HIVEP3: variants seen among roughly 807,000 people sequenced by gnomAD.
HIVEP3 encodes the protein transcription factor HIVEP3.
A neutral mutation model predicts 152.8 loss-of-function variants in HIVEP3; 49 were observed. That is an observed-to-expected ratio of 0.32 (90% CI 0.26 to 0.41). The LOEUF (loss-of-function observed/expected upper bound fraction) is 0.41. Ranked by LOEUF, HIVEP3 falls within the 10% of genes least tolerant of loss-of-function variation. The pLI, the probability that HIVEP3 is intolerant of heterozygous loss-of-function variation, is 1.00. For synonymous variants in HIVEP3, 1,269 were observed against 1,289.0 expected, an observed-to-expected ratio of 0.98 and a Z score of 0.33; for missense variants, 2,790 against 3,103.3, an observed-to-expected ratio of 0.90 and a Z score of 2.40.
intron 5 of HIVEP3, among the ~76,000 whole-genome samples, chr1:41,565,635 G>A (rs1293554025): frequency 1.3e-5 from 2 of 152,088 alleles, no homozygotes; most frequent in African/African-American, 4.8e-5. Context: ...GAGACAGAGA[G>A]AAGCCAGCTT....
At chr1:41,939,541 C>T (rs1645035709) in intron 1 of HIVEP3, among the ~76,000 whole-genome samples, 1 of 152,186 alleles carries the variant, frequency 6.6e-6, no homozygotes, top group African/African-American at 2.4e-5. Flanking sequence ...AGAATTACTA[C>T]ACCTCTTCTC....
intron 1 of HIVEP3, among the ~76,000 whole-genome samples, chr1:41,753,670 A>AAAAT (rs3064234): frequency 0.38 from 53,503 of 140,750 alleles, 10,236 homozygotes; most frequent in East Asian, 0.45. Context: ...CGCCGTCTCA[A>AAAAT]AAATAAATAA....
At chr1:41,638,123 G>C (rs1050318589) in intron 2 of HIVEP3, among the ~76,000 whole-genome samples, 2 of 151,982 alleles carry the variant, frequency 1.3e-5, no homozygotes, top group Non-Finnish European at 2.9e-5. Flanking sequence ...TTTGGGTGAC[G>C]GTTGTACTAA....
intron 5 of HIVEP3, among the ~76,000 whole-genome samples, chr1:41,552,251 T>A (rs975108272): frequency 6.6e-6 from 1 of 152,016 alleles, no homozygotes; most frequent in African/African-American, 2.4e-5. Flanking sequence ...AGTTTTAGGG[T>A]ACATGTGCAC....
chr1:41,798,964 C>G (rs945801174), intron 1 of HIVEP3, among the ~76,000 whole-genome samples: 5 of 152,154 alleles, frequency 3.3e-5, no homozygotes, highest in African/African-American at 1.2e-4. Flanking sequence ...TCTAACCCCA[C>G]GGACAGACAG....
chr1:41,742,269 C>T (rs12120976), intron 1 of HIVEP3, among the ~76,000 whole-genome samples: 48,451 of 152,070 alleles, frequency 0.32, 8,698 homozygotes, highest in East Asian at 0.47. Context: ...ATTCCATCCA[C>T]CCATCCTTTC....
chr1:41,724,637 G>A (rs1646726217), intron 1 of HIVEP3, among the ~76,000 whole-genome samples: 2 of 152,236 alleles, frequency 1.3e-5, no homozygotes, highest in Admixed American at 1.3e-4. Flanking sequence ...GTAATGGACA[G>A]GGGCAGCTCC....
intron 6 of HIVEP3, among the ~76,000 whole-genome samples, chr1:41,522,017 G>A (rs1016094565): frequency 7.9e-5 from 12 of 152,346 alleles, no homozygotes; most frequent in South Asian, 2.1e-4. Flanking sequence ...CTGCCACGAC[G>A]TCTGACACAA....
At chr1:41,780,731 C>G (rs1367784887) in intron 1 of HIVEP3, among the ~76,000 whole-genome samples, 3 of 152,094 alleles carry the variant, frequency 2.0e-5, no homozygotes, top group African/African-American at 7.2e-5. Flanking sequence ...GGAGTCTGAA[C>G]AGCCCAGATC....
rs999848538 is a variant in HIVEP3 at position 41,509,125 on chromosome 1, C to T, written c.*1326G>A. 1.3e-5 allele frequency: 2 copies of T among 152,208 alleles called. No homozygotes were observed. Among genetic ancestry groups the T allele is most frequent in the Admixed American group, 1.3e-4 (2 of 15,286 alleles). The allele number at this position is 152,208 out of a possible 1,614,324, so 9.4% of individuals were successfully genotyped here. On this transcript the variant is annotated 3_prime_UTR_variant, in exon 9 of 9. Transcript: ENST00000372583. ...AAGAGGCACTGGCTCACACTGATTG[C>T]TTTGGAGAATTCCAACGAGTTAGGA...
At chr1:41,544,417 T>TC (rs1643610010) in intron 5 of HIVEP3, 1 of 151,458 alleles carries the variant, frequency 6.6e-6, no homozygotes, top group Non-Finnish European at 1.5e-5. Flanking sequence ...AGGGCACCAA[T>TC]CCCCCCTCTT....
At chr1:41,681,196 G>A (rs1231716300) in intron 2 of HIVEP3, among the ~76,000 whole-genome samples, 1 of 152,020 alleles carries the variant, frequency 6.6e-6, no homozygotes, top group Non-Finnish European at 1.5e-5. Context: ...TTGGTTCAAG[G>A]GGTTGTCCTG....
intron 1 of HIVEP3, among the ~76,000 whole-genome samples, chr1:41,756,722 T>C (rs1647324002): frequency 1.3e-5 from 2 of 152,196 alleles, no homozygotes; most frequent in South Asian, 4.1e-4. Flanking sequence ...AGGGAAAAGA[T>C]TACTTAAAAG....
At chr1:42,010,703 G>A (rs531244361) in intron 1 of HIVEP3, among the ~76,000 whole-genome samples, 2 of 152,126 alleles carry the variant, frequency 1.3e-5, no homozygotes, top group African/African-American at 4.8e-5. Context: ...CATACCTTTG[G>A]CTGTCCCTTA....
intron 1 of HIVEP3, among the ~76,000 whole-genome samples, chr1:42,006,144 GA>G (rs1645458066): frequency 6.6e-6 from 1 of 152,148 alleles, no homozygotes; most frequent in South Asian, 2.1e-4. Flanking sequence ...AAAACCATAT[GA>G]AGCAAAACTT....
chr1:41,510,985 GCCACCC>G lies in HIVEP3; in HGVS notation c.6681_6686del (p.Gly2228_Gly2229del), dbSNP rs750187257. The G allele has an allele frequency of 6.2e-7, 1 of 1,613,492 alleles. No homozygotes were observed. The highest frequency in any genetic ancestry group is 1.1e-5 in the South Asian group (1 of 91,052). On this transcript the variant is annotated inframe_deletion, in exon 9 of 9. Transcript: ENST00000372583. Reference sequence around the variant, plus strand: ...CCTCCCGGGCCCCTGTCAGGTCGCTGCCACCCCCGGAGAAGCCACTGACCCAGGCTG... The same window carrying G: ...CCTCCCGGGCCCCTGTCAGGTCGCTGCCGGAGAAGCCACTGACCCAGGCTG...
At chr1:42,034,082 C>T (rs917605951) in intron 1 of HIVEP3, among the ~76,000 whole-genome samples, 1 of 152,094 alleles carries the variant, frequency 6.6e-6, no homozygotes, top group East Asian at 1.9e-4. Context: ...CATAGGCTGG[C>T]AAATCAAAAC....
intron 2 of HIVEP3, among the ~76,000 whole-genome samples, chr1:41,652,534 C>A (rs1645566737): frequency 6.6e-6 from 1 of 152,116 alleles, no homozygotes. Context: ...CCCAGGATGG[C>A]AAGAGTTTTA....
chr1:41,786,136 T>C (rs576176540), intron 1 of HIVEP3, among the ~76,000 whole-genome samples: 1 of 152,338 alleles, frequency 6.6e-6, no homozygotes, highest in East Asian at 1.9e-4. Flanking sequence ...CTGGCTCAGC[T>C]TACACTGTGG....
Sources: allele counts gnomAD v4.1 joint callset (sites outside exome capture counted in the v4.1 genomes callset), GRCh38; gene constraint gnomAD v4.1.1; transcripts MANE v1.5; gene names NCBI Gene and HGNC (gene_info 2026-07-23, HGNC 2026-07-21).